Variants in ROBO2 observed in about 807,000 individuals in gnomAD.
ROBO2 encodes the protein roundabout guidance receptor 2.
A neutral mutation model predicts 160.8 loss-of-function variants in ROBO2; 53 were observed. That is an observed-to-expected ratio of 0.33 (90% CI 0.26 to 0.41). The LOEUF (loss-of-function observed/expected upper bound fraction) is 0.41. Among genes scored for constraint, ROBO2 ranks in the 10% least tolerant of loss-of-function variants. ROBO2 has a pLI of 1.00. For synonymous variants in ROBO2, 664 were observed against 611.7 expected (o/e 1.09, Z -1.26); for missense variants, 1,577 against 1,722.4 (o/e 0.92, Z 1.49).
At chr3:76,623,197 C>T (rs774149224) in intron 2 of ROBO2, among the ~76,000 whole-genome samples, 3 of 152,148 alleles carry the variant, frequency 2.0e-5, no homozygotes, top group Non-Finnish European at 4.4e-5. Context: ...TTTTTATGCA[C>T]ATTTGGGGTG....
intron 2 of ROBO2, among the ~76,000 whole-genome samples, chr3:76,630,570 A>G (rs2089970081): frequency 6.6e-6 from 1 of 152,120 alleles, no homozygotes; most frequent in Admixed American, 6.6e-5. Context: ...TTCAGTATAC[A>G]TTGTTTCATT....
chr3:77,524,272 A>G (rs1000671583), intron 6 of ROBO2, among the ~76,000 whole-genome samples: 1 of 119,694 alleles, frequency 8.4e-6, no homozygotes, highest in African/African-American at 3.2e-5. Flanking sequence ...CTATGATCAT[A>G]TATGAATTGA....
chr3:77,161,593 G>T (rs2078491934), intron 2 of ROBO2, among the ~76,000 whole-genome samples: 1 of 152,048 alleles, frequency 6.6e-6, no homozygotes, highest in Admixed American at 6.6e-5. Flanking sequence ...ATAGCAATTG[G>T]TTTTTTATTT....
intron 2 of ROBO2, among the ~76,000 whole-genome samples, chr3:77,118,464 T>C (rs556357925): frequency 2.8e-4 from 42 of 152,310 alleles, no homozygotes; most frequent in Admixed American, 1.6e-3. Flanking sequence ...CACTAAACAT[T>C]TATTGGTTTT....
intron 2 of ROBO2, among the ~76,000 whole-genome samples, chr3:77,279,181 A>G (rs1395303104): frequency 1.3e-5 from 2 of 152,154 alleles, no homozygotes; most frequent in African/African-American, 4.8e-5. Flanking sequence ...TAAAATGAGT[A>G]GAATGTGCCA....
intron 1 of ROBO2, among the ~76,000 whole-genome samples, chr3:77,094,780 C>G (rs940887823): frequency 6.6e-6 from 1 of 152,104 alleles, no homozygotes; most frequent in Non-Finnish European, 1.5e-5. Flanking sequence ...TTTCTAATAG[C>G]TAATGATGTT....
intron 2 of ROBO2, among the ~76,000 whole-genome samples, chr3:76,526,657 A>C (rs1338256436): frequency 6.6e-6 from 1 of 151,928 alleles, no homozygotes; most frequent in East Asian, 1.9e-4. Flanking sequence ...TTTCTCTCCC[A>C]ATGCAGGGTG....
In ROBO2 at chr3:77,140,932, T is replaced by A. The variant is rs183863138; in HGVS notation, c.388+42592T>A. On this transcript the variant is annotated intron_variant, in intron 2 of 25. Coordinates refer to ENST00000461745, the Ensembl canonical transcript of ROBO2. ...TCATTACCTCCTCACTTCTCACTTG[T>A]TTAAATCAAAATTTTTATTTACTGC... 3.9e-5 allele frequency among the ~76,000 whole-genome samples: 6 copies of A among 152,298 alleles called. No individual in the cohort carries two copies. The East Asian group carries it at 1.2e-3, about 29-fold the overall frequency.
intron 2 of ROBO2, among the ~76,000 whole-genome samples, chr3:77,230,141 G>A (rs904818766): frequency 6.6e-6 from 1 of 151,930 alleles, no homozygotes; most frequent in Non-Finnish European, 1.5e-5. Context: ...AGGCTGGAGT[G>A]CAGTGGCATA....
At chr3:77,288,943 G>T (rs149769280) in intron 2 of ROBO2, among the ~76,000 whole-genome samples, 30 of 152,292 alleles carry the variant, frequency 2.0e-4, no homozygotes, top group African/African-American at 6.7e-4. Context: ...ACGGCACCAT[G>T]TGAGACCTCT....
chr3:76,172,752 A>G (rs1343423258), intron 2 of ROBO2, among the ~76,000 whole-genome samples: 1 of 152,142 alleles, frequency 6.6e-6, no homozygotes, highest in Non-Finnish European at 1.5e-5. Context: ...CATGAGGTAA[A>G]AGTGACCACT....
intron 2 of ROBO2, among the ~76,000 whole-genome samples, chr3:76,841,009 T>G (rs2068205118): frequency 6.6e-6 from 1 of 152,130 alleles, no homozygotes; most frequent in Admixed American, 6.6e-5. Context: ...TGACCTCTCC[T>G]GCTATTGTAC....
intron 2 of ROBO2, among the ~76,000 whole-genome samples, chr3:77,188,968 T>TGTGTGTGTGAGA (rs550237793): frequency 1.4e-5 from 2 of 142,200 alleles, no homozygotes; most frequent in Non-Finnish European, 3.1e-5. Context: ...TGTGTGTGTG[T>TGTGTGTGTGAGA]GAGAGAGAGA....
At chr3:77,359,176 T>C (rs1413165091) in intron 2 of ROBO2, among the ~76,000 whole-genome samples, 1 of 152,212 alleles carries the variant, frequency 6.6e-6, no homozygotes, top group African/African-American at 2.4e-5. Context: ...AACTGGATTT[T>C]ATTCGTTTCT....
intron 2 of ROBO2, among the ~76,000 whole-genome samples, chr3:76,495,143 T>C (rs2080073362): frequency 1.3e-5 from 2 of 152,188 alleles, no homozygotes; most frequent in South Asian, 2.1e-4. Context: ...ATATAGCCTA[T>C]GGAATCTAAC....
At chr3:77,395,155 G>C (rs146970261) in intron 2 of ROBO2, among the ~76,000 whole-genome samples, 7 of 152,238 alleles carry the variant, frequency 4.6e-5, no homozygotes, top group Admixed American at 3.9e-4. Context: ...GATTGCCACA[G>C]TCTAATTTCC....
chr3:76,965,773 T>C (rs2149257676), intron 2 of ROBO2, among the ~76,000 whole-genome samples: 1 of 104,456 alleles, frequency 9.6e-6, no homozygotes, highest in African/African-American at 4.5e-5. Context: ...TACCATTATT[T>C]ATTGTGTTTG....
rs553981501 is a variant in ROBO2, at chr3:77,410,024, T to C, written c.389-67390T>C. Among the ~76,000 whole-genome samples the C allele has an allele frequency of 6.8e-4, 104 of 152,334 alleles. 2 individuals carry two copies. The South Asian group carries it at 0.02, about 29-fold the overall frequency. ...TATCTGCTAATGTTCACTTCCTTAA[T>C]TGGGTTATCTCCTAAGTGATCAGTA... On this transcript the variant is annotated intron_variant, in intron 2 of 25. Coordinates refer to ENST00000461745, the Ensembl canonical transcript of ROBO2.
rs1207668877 is a variant in ROBO2, at chr3:77,580,137, G to A, written c.2500+19G>A. ...ATAATCGGTGAGTATCAAACTATGT[G>A]GTCTGTGCTTTAGAATCAGTCAGCT... On this transcript the variant is annotated intron_variant, in intron 16 of 25. Coordinates refer to ENST00000461745, the Ensembl canonical transcript of ROBO2. The A allele has an allele frequency of 6.2e-7, 1 of 1,612,872 alleles. No individual in the cohort carries two copies. Among genetic ancestry groups the A allele is most frequent in the South Asian group, 1.1e-5 (1 of 91,052 alleles).
Sources: gnomAD v4.1 joint callset for allele counts (sites outside exome capture counted in the v4.1 genomes callset) on GRCh38, gnomAD v4.1.1 for gene constraint, MANE v1.5 for transcripts, NCBI Gene and HGNC (gene_info 2026-07-23, HGNC 2026-07-21) for gene names.